The following DRC9 variants were observed in gnomAD, a reference collection of about 807,000 sequenced individuals.
DRC9 encodes the protein dynein regulatory complex protein 9.
the DRC9 span, among the ~76,000 whole-genome samples, chr3:197,920,806 G>C: frequency 6.6e-6 from 1 of 151,998 alleles, no homozygotes; most frequent in Non-Finnish European, 1.5e-5. Context: ...TCTTGCTTTG[G>C]ATGTTGATGT....
chr3:197,950,418 C>T, the DRC9 span: 4 of 899,494 alleles, frequency 4.4e-6, no homozygotes, highest in Non-Finnish European at 5.7e-6. Flanking sequence ...AGAACGGCTG[C>T]CCGGGTTATC....
At chr3:197,943,253 C>T in the DRC9 span, among the ~76,000 whole-genome samples, 8 of 152,154 alleles carry the variant, frequency 5.3e-5, no homozygotes, top group Admixed American at 5.2e-4. Flanking sequence ...AGATTGTATT[C>T]ATACTGATTT....
the DRC9 span, chr3:197,950,391 G>C: frequency 7.8e-6 from 9 of 1,155,980 alleles, no homozygotes; most frequent in Non-Finnish European, 7.6e-6. Context: ...GATGGTGTTT[G>C]GTCCCCTGAC....
At chr3:197,918,847 C>T in the DRC9 span, among the ~76,000 whole-genome samples, 1 of 152,008 alleles carries the variant, frequency 6.6e-6, no homozygotes, top group Non-Finnish European at 1.5e-5. Context: ...TTGCTCTTGT[C>T]GTCCAGGCTG....
At chr3:197,935,515 G>A in the DRC9 span, among the ~76,000 whole-genome samples, 8 of 151,784 alleles carry the variant, frequency 5.3e-5, no homozygotes, top group Admixed American at 1.3e-4. Context: ...ACAGGGTCTC[G>A]CCCTGTCACT....
chr3:197,940,365 G>A, the DRC9 span, among the ~76,000 whole-genome samples: 1 of 150,802 alleles, frequency 6.6e-6, no homozygotes, highest in Admixed American at 6.6e-5. Context: ...TACAAGATAG[G>A]GTTTTTTACC....
chr3:197,922,170 C>A, the DRC9 span, among the ~76,000 whole-genome samples: 1 of 152,086 alleles, frequency 6.6e-6, no homozygotes, highest in Admixed American at 6.6e-5. Flanking sequence ...GTTTCTTAAC[C>A]TATTTTTTTT....
the DRC9 span, among the ~76,000 whole-genome samples, chr3:197,931,413 C>T: frequency 4.0e-5 from 6 of 151,756 alleles, no homozygotes; most frequent in African/African-American, 7.3e-5. Flanking sequence ...ACCTGGGAAG[C>T]GGAAGTTGCA....
chr3:197,949,483 T>C, the DRC9 span: 1 of 152,168 alleles, frequency 6.6e-6, no homozygotes, highest in African/African-American at 2.4e-5. Flanking sequence ...AGGTAAGAAC[T>C]TAAGTCATTT....
chr3:197,947,928 C>CGCTTTACCT, the DRC9 span, among the ~76,000 whole-genome samples: 1 of 96,770 alleles, frequency 1.0e-5, no homozygotes, highest in Non-Finnish European at 2.0e-5. Context: ...CCTGCTTTAC[C>CGCTTTACCT]TTTTTTTTTT....
At chr3:197,933,041 CATATATATAAAATACATATATTATACAT>C in the DRC9 span, among the ~76,000 whole-genome samples, 36,641 of 131,882 alleles carry the variant, frequency 0.28, 6,549 homozygotes, top group African/African-American at 0.53. Context: ...ATATATTATA[CATATATATAAAATACATATATTATACAT>C]ATATATATAA....
the DRC9 span, among the ~76,000 whole-genome samples, chr3:197,921,460 G>A: frequency 2.1e-5 from 1 of 46,904 alleles, no homozygotes; most frequent in Non-Finnish European, 3.8e-5. Flanking sequence ...TGGTCGACCC[G>A]ACTACTGGTT....
the DRC9 span, among the ~76,000 whole-genome samples, chr3:197,926,988 G>C: frequency 6.6e-6 from 1 of 152,102 alleles, no homozygotes; most frequent in Non-Finnish European, 1.5e-5. Context: ...GGCAGAAAGG[G>C]GTTCAAACTC....
At chr3:197,891,298 C>T in the DRC9 span, 5 of 527,184 alleles carry the variant, frequency 9.5e-6, no homozygotes, top group African/African-American at 2.0e-5. Flanking sequence ...GGACTGTTGG[C>T]AAATTCTAAT....
At chr3:197,936,744 C>T in the DRC9 span, among the ~76,000 whole-genome samples, 4 of 152,116 alleles carry the variant, frequency 2.6e-5, no homozygotes, top group African/African-American at 7.2e-5. Context: ...TGTGAATATA[C>T]CCTGGGTTTC....
chr3:197,951,480 G>A, the DRC9 span: 11 of 702,492 alleles, frequency 1.6e-5, no homozygotes, highest in Non-Finnish European at 2.4e-5. Context: ...AGCCTCCCGA[G>A]TAGCTGGGAT....
chr3:197,946,822 T>C, the DRC9 span, among the ~76,000 whole-genome samples: 7 of 152,290 alleles, frequency 4.6e-5, no homozygotes, highest in African/African-American at 1.4e-4. Flanking sequence ...CCTTTCTTTT[T>C]TTCTTTTCTT....
At chr3:197,957,419 G>T in the DRC9 span, 1 of 152,406 alleles carries the variant, frequency 6.6e-6, no homozygotes, top group Non-Finnish European at 1.4e-5. Flanking sequence ...ATGGGCTTGT[G>T]TTAGTACTCT....
chr3:197,950,064 TG>T, the DRC9 span: 1 of 1,088,286 alleles, frequency 9.2e-7, no homozygotes. Flanking sequence ...TGCTATTGAA[TG>T]TGGCTTATTT....
Sources: allele counts gnomAD v4.1 joint callset (sites outside exome capture counted in the v4.1 genomes callset), GRCh38; gene constraint gnomAD v4.1.1; transcripts MANE v1.5; gene names NCBI Gene and HGNC (gene_info 2026-07-23, HGNC 2026-07-21).